ZNF385C: variants seen among roughly 807,000 people sequenced by gnomAD.
The protein encoded by ZNF385C is zinc finger protein 385C.
In ZNF385C, 28 loss-of-function variants were observed where a neutral mutation model predicts 35.4. The ratio of observed to expected loss-of-function variants is 0.79; its 90% CI spans 0.59 to 1.08. ZNF385C has a LOEUF of 1.08. Ranked by LOEUF, ZNF385C falls within the 50% of genes least tolerant of loss-of-function variation. The pLI is 0.00. For synonymous variants in ZNF385C, 248 were observed against 248.2 expected (o/e 1.00, Z 0.01); for missense variants, 605 against 595.6 (o/e 1.02, Z -0.16).
chr17:42,074,393 GA>G (rs1351470471), intron 1 of ZNF385C, among the ~76,000 whole-genome samples: 4 of 147,568 alleles, frequency 2.7e-5, no homozygotes, highest in South Asian at 2.1e-4. Context: ...AGTTACTAAA[GA>G]TTTTTTTTTT....
At chr17:42,064,381 C>T (rs1328168746) in intron 1 of ZNF385C, among the ~76,000 whole-genome samples, 1 of 152,192 alleles carries the variant, frequency 6.6e-6, no homozygotes, top group Non-Finnish European at 1.5e-5. Context: ...AGGCTAGGGC[C>T]TGGGTGAGTC....
In ZNF385C at chr17:42,056,760, A is replaced by T. The variant is rs192297361; in HGVS notation, c.250+6047T>A. Among the ~76,000 whole-genome samples, 353 of 152,172 alleles carry T rather than the reference A, an allele frequency of 2.3e-3. 1 individual carries two copies. The highest frequency in any genetic ancestry group is 8.1e-3 in the African/African-American group (336 of 41,520). On this transcript the variant is annotated intron_variant, in intron 2 of 8. Transcript: ENST00000692273. Reference sequence around the variant, plus strand: ...TCTCACGAGATCTGATGGGTTTATGAGGGGAAACCCCTTTCACTTGGCTGT... The same window carrying T: ...TCTCACGAGATCTGATGGGTTTATGTGGGGAAACCCCTTTCACTTGGCTGT...
intron 1 of ZNF385C, among the ~76,000 whole-genome samples, chr17:42,078,444 TC>T (rs1372491287): frequency 4.9e-5 from 2 of 41,002 alleles, no homozygotes; most frequent in African/African-American, 1.1e-4. Context: ...CTCAGATCCT[TC>T]CCAGTATGCA....
At chr17:42,041,139 T>C in intron 2 of ZNF385C, 1 of 1,232,336 alleles carries the variant, frequency 8.1e-7, no homozygotes, top group Non-Finnish European at 1.0e-6. Flanking sequence ...CATATGGGGA[T>C]GCCTTCAGGC....
At chr17:42,056,092 C>G (rs1159216212) in intron 2 of ZNF385C, among the ~76,000 whole-genome samples, 1 of 152,242 alleles carries the variant, frequency 6.6e-6, no homozygotes, top group African/African-American at 2.4e-5. Flanking sequence ...CAAGCCAGAG[C>G]TTAAGTCATT....
intron 1 of ZNF385C, among the ~76,000 whole-genome samples, chr17:42,079,687 G>A (rs1391640515): frequency 6.6e-6 from 1 of 151,790 alleles, no homozygotes; most frequent in Admixed American, 6.6e-5. Flanking sequence ...CCAAAAAAAA[G>A]AAAGAAGGAA....
chr17:42,065,258 C>G (rs1442493144), intron 1 of ZNF385C: 1 of 152,200 alleles, frequency 6.6e-6, no homozygotes, highest in African/African-American at 2.4e-5. Flanking sequence ...AATGAACCCT[C>G]CTGACACCTT....
intron 1 of ZNF385C, among the ~76,000 whole-genome samples, chr17:42,097,092 C>T (rs1555661026): frequency 1.3e-5 from 2 of 152,068 alleles, no homozygotes; most frequent in South Asian, 2.1e-4. Flanking sequence ...GAGCCCTCGC[C>T]AGGCTCCAGG....
rs2053256085 is a variant in ZNF385C, at chr17:42,050,408, G to A, written c.250+12399C>T. Reference sequence around the variant, plus strand: ...TCCTCCCGGGGGCTGGGACGGGGAGGGCTGAGGAACTTCCTCTGGGGGGCG... The same window carrying A: ...TCCTCCCGGGGGCTGGGACGGGGAGAGCTGAGGAACTTCCTCTGGGGGGCG... On this transcript the variant is annotated intron_variant, in intron 2 of 8. Transcript: ENST00000692273. This position sits in a 1 kb window ranked among gnomAD's most constrained non-coding sequence, Gnocchi z 5.6. 6.6e-6 allele frequency: 1 copy of A among 152,170 alleles called. No individual in the cohort carries two copies. The highest frequency in any genetic ancestry group is 1.9e-4 in the East Asian group (1 of 5,166). The allele number at this position is 152,170 out of a possible 1,614,324, so 9.4% of individuals were successfully genotyped here. A position where few individuals can be genotyped will look rare whatever the true frequency, so the allele number is the denominator to read the frequency against.
chr17:42,053,620 C>G (rs1023359763), intron 2 of ZNF385C, among the ~76,000 whole-genome samples: 1 of 152,158 alleles, frequency 6.6e-6, no homozygotes, highest in African/African-American at 2.4e-5. Flanking sequence ...CCCAGCATTC[C>G]TACCCTTTCT....
intron 1 of ZNF385C, among the ~76,000 whole-genome samples, chr17:42,084,757 T>C (rs141080073): frequency 7.9e-5 from 12 of 152,126 alleles, no homozygotes; most frequent in African/African-American, 2.9e-4. Context: ...ACTACAGGCA[T>C]ACACCACCAT....
intron 4 of ZNF385C, 99 bp downstream of exon 4, chr17:42,034,126 G>A: frequency 1.0e-6 from 1 of 956,528 alleles, no homozygotes; most frequent in East Asian, 2.6e-5. Flanking sequence ...CAGCCCCTTT[G>A]CCACTGATAT....
intron 2 of ZNF385C, among the ~76,000 whole-genome samples, chr17:42,053,230 G>A (rs1265408499): frequency 6.6e-6 from 1 of 152,190 alleles, no homozygotes. Flanking sequence ...TGCCCCCAAG[G>A]AAAGGGTTCC....
intron 1 of ZNF385C, among the ~76,000 whole-genome samples, chr17:42,069,918 T>C (rs1415322908): frequency 6.6e-6 from 1 of 152,118 alleles, no homozygotes; most frequent in Non-Finnish European, 1.5e-5. Flanking sequence ...GGTGAGTGCC[T>C]GTAATCCCAA....
intron 1 of ZNF385C, among the ~76,000 whole-genome samples, chr17:42,079,698 A>G (rs1372113005): frequency 2.0e-5 from 3 of 151,968 alleles, no homozygotes; most frequent in Non-Finnish European, 4.4e-5. Context: ...AAAGAAGGAA[A>G]ATGCCCTAAA....
In ZNF385C at chr17:42,028,773, G is replaced by A; in HGVS notation, c.967+10C>T. 6.5e-7 allele frequency: 1 copy of A among 1,542,526 alleles called. No homozygotes were observed. Among genetic ancestry groups the A allele is most frequent in the Non-Finnish European group, 8.8e-7 (1 of 1,140,470 alleles). On this transcript the variant is annotated intron_variant, in intron 6 of 8. Transcript: ENST00000692273. ...CCTTTCCCTGGGCTCCAGCTCCTGG[G>A]ACTACTGACCTGTGTTGTGAGCCTG...
intron 2 of ZNF385C, chr17:42,043,514 G>T: frequency 1.6e-6 from 1 of 631,756 alleles, no homozygotes; most frequent in Non-Finnish European, 2.3e-6. Context: ...GGCTAACAGG[G>T]CCCATCCATC....
chr17:42,052,195 G>C (rs557918494), intron 2 of ZNF385C, among the ~76,000 whole-genome samples: 1 of 152,178 alleles, frequency 6.6e-6, no homozygotes, highest in Admixed American at 6.5e-5. Context: ...AGAAGAAGAG[G>C]CTGCCCCCAA....
intron 1 of ZNF385C, among the ~76,000 whole-genome samples, chr17:42,070,218 G>A (rs1271425163): frequency 6.6e-6 from 1 of 150,780 alleles, no homozygotes; most frequent in Non-Finnish European, 1.5e-5. Context: ...GGTGGCAGGT[G>A]CCTGTAGTCC....
Sources: gnomAD v4.1 joint callset for allele counts (sites outside exome capture counted in the v4.1 genomes callset) on GRCh38, gnomAD v4.1.1 for gene constraint, Gnocchi (gnomAD v3.1) non-coding constraint, MANE v1.5 for transcripts, NCBI Gene and HGNC (gene_info 2026-07-23, HGNC 2026-07-21) for gene names.